PLAAT1: variants seen among roughly 807,000 people sequenced by gnomAD.
PLAAT1 encodes H-REV107 protein-related protein.
Under a neutral mutation model 16.4 loss-of-function variants are expected in PLAAT1, and 13 were observed. The observed-to-expected ratio is 0.79, with a 90% CI of 0.52 to 1.26. PLAAT1 has a LOEUF of 1.26. PLAAT1 is among the 50% of genes most tolerant of loss of function. The probability of loss-of-function intolerance (pLI) is 0.00; values close to 1 mark genes in which losing one functional copy is unlikely to be tolerated. For synonymous variants in PLAAT1, 73 were observed against 78.4 expected (o/e 0.93, Z 0.36); for missense variants, 218 against 207.8 (o/e 1.05, Z -0.30).
At position 193,262,828 on chromosome 3, in the gene PLAAT1, T is replaced by G. The variant is rs143512118; in HGVS notation, c.140-142T>G. 7.9e-3 allele frequency: 6,017 copies of G among 762,894 alleles called. 29 individuals carry two copies. The highest frequency in any genetic ancestry group is 0.011 in the Non-Finnish European group (5,031 of 459,220). The allele number at this position is 762,894 out of a possible 1,614,324, so 47.3% of individuals were successfully genotyped here. Reference sequence around the variant, plus strand: ...TTATAGAATAACTGCTTAAGGCTGATGAGATTAAATGACTTTGGTTTGATA... The same window carrying G: ...TTATAGAATAACTGCTTAAGGCTGAGGAGATTAAATGACTTTGGTTTGATA... On this transcript the variant is annotated intron_variant, in intron 2 of 3. Coordinates refer to ENST00000264735, the MANE Select transcript of PLAAT1 (RefSeq NM_020386.5).
downstream of PLAAT1, among the ~76,000 whole-genome samples, chr3:193,271,459 A>G (rs1177786655): frequency 6.6e-6 from 1 of 152,254 alleles, no homozygotes; most frequent in Admixed American, 6.5e-5. Flanking sequence ...TTTGGAAAAC[A>G]ATATCTCATA....
chr3:193,280,306 C>T (rs1717428817), downstream of PLAAT1, among the ~76,000 whole-genome samples: 1 of 152,182 alleles, frequency 6.6e-6, no homozygotes, highest in African/African-American at 2.4e-5. Context: ...CCCGCCTCGG[C>T]CTCCCAAAGT....
intron 2 of PLAAT1, among the ~76,000 whole-genome samples, chr3:193,257,798 AAGC>A (rs1716433649): frequency 6.6e-6 from 1 of 152,264 alleles, no homozygotes; most frequent in South Asian, 2.1e-4. Flanking sequence ...GCTAGGATAA[AAGC>A]AGGCAGAGGA....
chr3:193,265,388 A>G (rs896287650), intron 3 of PLAAT1, among the ~76,000 whole-genome samples: 28 of 152,208 alleles, frequency 1.8e-4, no homozygotes, highest in African/African-American at 6.0e-4. Flanking sequence ...CAATCACAAG[A>G]GACTACATAT....
chr3:193,241,178 G>A, upstream of PLAAT1: 2 of 1,214,698 alleles, frequency 1.6e-6, no homozygotes, highest in Non-Finnish European at 2.0e-6. Flanking sequence ...TCTAGCCGGA[G>A]CGACTGTGCC....
At chr3:193,261,083 T>G (rs745325811) in intron 2 of PLAAT1, among the ~76,000 whole-genome samples, 9 of 152,204 alleles carry the variant, frequency 5.9e-5, no homozygotes, top group Non-Finnish European at 1.2e-4. Flanking sequence ...AAAAAGTGTA[T>G]GCAGACCAGG....
At chr3:193,276,710 T>C in intron 2 of PLAAT1, 1 of 1,429,782 alleles carries the variant, frequency 7.0e-7, no homozygotes, top group Non-Finnish European at 9.7e-7. Context: ...AGATCCTTAA[T>C]TTGTTTATCT....
downstream of PLAAT1, among the ~76,000 whole-genome samples, chr3:193,272,323 G>T (rs577378478): frequency 1.1e-4 from 17 of 152,142 alleles, no homozygotes; most frequent in South Asian, 3.3e-3. Flanking sequence ...GGCGCCTACA[G>T]TCCCAGCTAC....
At chr3:193,252,036 G>A (rs2108785151) in intron 1 of PLAAT1, among the ~76,000 whole-genome samples, 1 of 152,292 alleles carries the variant, frequency 6.6e-6, no homozygotes, top group African/African-American at 2.4e-5. Flanking sequence ...ACTGCGTAAT[G>A]TATAAGGAAA....
intron 1 of PLAAT1, among the ~76,000 whole-genome samples, chr3:193,244,701 C>T (rs577571910): frequency 6.6e-6 from 1 of 152,160 alleles, no homozygotes; most frequent in African/African-American, 2.4e-5. Flanking sequence ...TGAGAGCCTT[C>T]TTGTTGGTGG....
intron 1 of PLAAT1, among the ~76,000 whole-genome samples, chr3:193,242,276 G>C (rs1715793956): frequency 6.6e-6 from 1 of 152,064 alleles, no homozygotes; most frequent in South Asian, 2.1e-4. Context: ...TGCCCCACAA[G>C]AGACAATTTC....
intron 1 of PLAAT1, 124 bp from the exon 2 acceptor site, chr3:193,255,527 T>G (rs1716342514): frequency 4.3e-6 from 4 of 920,606 alleles, no homozygotes; most frequent in Non-Finnish European, 6.3e-6. Context: ...GTCGTGATTC[T>G]AAGTCTTTAA....
At chr3:193,263,372 G>A in intron 3 of PLAAT1, 137 bp downstream of exon 3, 1 of 794,258 alleles carries the variant, frequency 1.3e-6, no homozygotes, top group Non-Finnish European at 2.0e-6. Context: ...GACTTGAGTT[G>A]TCCAAGGTCC....
At chr3:193,245,088 T>C (rs974812059) in intron 1 of PLAAT1, among the ~76,000 whole-genome samples, 1 of 152,224 alleles carries the variant, frequency 6.6e-6, no homozygotes. Context: ...TCTTGAAATA[T>C]GCAGTACATT....
downstream of PLAAT1, among the ~76,000 whole-genome samples, chr3:193,272,684 T>C (rs1413065992): frequency 1.3e-5 from 2 of 152,250 alleles, no homozygotes; most frequent in African/African-American, 2.4e-5. Context: ...TGGAGAATTC[T>C]GGATGTCTCC....
At chr3:193,268,502 C>T (rs1716857352) in intron 3 of PLAAT1, among the ~76,000 whole-genome samples, 1 of 152,136 alleles carries the variant, frequency 6.6e-6, no homozygotes, top group South Asian at 2.1e-4. Flanking sequence ...ATTTGGTGAC[C>T]TTATAATCCA....
chr3:193,257,812 A>T (rs1042327209), intron 2 of PLAAT1, among the ~76,000 whole-genome samples: 3 of 152,166 alleles, frequency 2.0e-5, no homozygotes, highest in African/African-American at 7.2e-5. Flanking sequence ...AGGCAGAGGA[A>T]CGTGGAAAAA....
intron 1 of PLAAT1, among the ~76,000 whole-genome samples, chr3:193,250,268 G>A (rs892184487): frequency 1.4e-4 from 22 of 152,112 alleles, no homozygotes; most frequent in African/African-American, 5.1e-4. Context: ...GCCTATGAGA[G>A]GTGGGATAGA....
intron 2 of PLAAT1, among the ~76,000 whole-genome samples, chr3:193,257,990 T>C (rs1716439814): frequency 6.6e-6 from 1 of 152,194 alleles, no homozygotes; most frequent in Non-Finnish European, 1.5e-5. Context: ...CACTGTCAGC[T>C]TACCTACTTT....
Sources: allele counts gnomAD v4.1 joint callset (sites outside exome capture counted in the v4.1 genomes callset), GRCh38; gene constraint gnomAD v4.1.1; transcripts MANE v1.5; gene names NCBI Gene and HGNC (gene_info 2026-07-23, HGNC 2026-07-21).